Variants in MGAT4C observed in about 807,000 individuals in gnomAD.
MGAT4C encodes MGAT4 family member C, also known as alpha-1,3-mannosyl-glycoprotein 4-beta-N-acetylglucosaminyltransferase C.
In MGAT4C, 19 loss-of-function variants were observed where a neutral mutation model predicts 40.1. That is an observed-to-expected ratio of 0.47 (90% CI 0.33 to 0.70). MGAT4C has a LOEUF of 0.70. Ranked by LOEUF, MGAT4C falls within the 30% of genes least tolerant of loss-of-function variation. MGAT4C has a pLI of 0.02. For missense variants in MGAT4C, 491 were observed against 563.2 expected (o/e 0.87, Z 1.30); for synonymous variants, 181 against 187.1 (o/e 0.97, Z 0.27).
At chr12:86,250,123 T>A (rs1388388107) in intron 1 of MGAT4C, among the ~76,000 whole-genome samples, 1 of 152,128 alleles carries the variant, frequency 6.6e-6, no homozygotes, top group Non-Finnish European at 1.5e-5. Context: ...GAAAATACCT[T>A]AGTGGAATGA....
intron 3 of MGAT4C, among the ~76,000 whole-genome samples, chr12:86,397,887 C>T (rs1956288966): frequency 6.6e-6 from 1 of 152,084 alleles, no homozygotes; most frequent in South Asian, 2.1e-4. Context: ...GGCATGAGCC[C>T]AGGAGTTTGA....
At chr12:86,566,496 T>C (rs1960107395) in intron 2 of MGAT4C, among the ~76,000 whole-genome samples, 1 of 139,142 alleles carries the variant, frequency 7.2e-6, no homozygotes, top group African/African-American at 2.6e-5. Context: ...TGGGACTTTG[T>C]GATCATGTGA....
intron 2 of MGAT4C, among the ~76,000 whole-genome samples, chr12:86,634,553 T>G (rs1381543403): frequency 6.6e-6 from 1 of 152,080 alleles, no homozygotes; most frequent in Non-Finnish European, 1.5e-5. Context: ...AGCTCAGAGC[T>G]CTCTTTGAAG....
chr12:86,645,121 A>G (rs1963502330), intron 2 of MGAT4C, among the ~76,000 whole-genome samples: 1 of 151,592 alleles, frequency 6.6e-6, no homozygotes, highest in Non-Finnish European at 1.5e-5. Context: ...TTATATTTAA[A>G]ATAGTCTGTG....
chr12:86,655,301 TC>T (rs1963817627), intron 2 of MGAT4C, among the ~76,000 whole-genome samples: 1 of 152,090 alleles, frequency 6.6e-6, no homozygotes, highest in Non-Finnish European at 1.5e-5. Context: ...CTTAATTGCT[TC>T]TTTTCCCTGT....
intron 2 of MGAT4C, among the ~76,000 whole-genome samples, chr12:85,991,506 A>G (rs916637323): frequency 3.3e-5 from 5 of 152,086 alleles, no homozygotes; most frequent in Non-Finnish European, 7.4e-5. Context: ...ACTACTGTCC[A>G]TAGTGTCCAG....
At chr12:86,715,309 A>G (rs981438432) in intron 2 of MGAT4C, among the ~76,000 whole-genome samples, 1 of 152,102 alleles carries the variant, frequency 6.6e-6, no homozygotes, top group Non-Finnish European at 1.5e-5. Flanking sequence ...CAAGCATGCT[A>G]ATTTGTACAC....
chr12:86,760,938 A>T (rs973248511), intron 1 of MGAT4C, among the ~76,000 whole-genome samples: 3 of 152,210 alleles, frequency 2.0e-5, no homozygotes, highest in African/African-American at 4.8e-5. Context: ...TTGTGGCAAG[A>T]TTTGTAGGAA....
intron 2 of MGAT4C, among the ~76,000 whole-genome samples, chr12:86,568,646 C>T (rs1169323584): frequency 1.3e-5 from 2 of 151,094 alleles, no homozygotes; most frequent in Non-Finnish European, 2.9e-5. Context: ...AAGAACAAAG[C>T]TCAAAGTATC....
chr12:86,239,465 G>A (rs1951689228), intron 1 of MGAT4C, among the ~76,000 whole-genome samples: 1 of 151,860 alleles, frequency 6.6e-6, no homozygotes. Flanking sequence ...AAAGAAGCAT[G>A]CTTTACAATT....
intron 1 of MGAT4C, among the ~76,000 whole-genome samples, chr12:86,733,296 G>T (rs965181771): frequency 6.6e-6 from 1 of 152,034 alleles, no homozygotes; most frequent in African/African-American, 2.4e-5. Context: ...ACAGTGTAAA[G>T]AATTATGCTT....
At chr12:86,774,338 TCTGTCTCTCTCTCTCCC>T (rs1565981625) in intron 1 of MGAT4C, among the ~76,000 whole-genome samples, 5 of 101,578 alleles carry the variant, frequency 4.9e-5, no homozygotes, top group African/African-American at 7.4e-5. Context: ...TTTCTTTCTT[TCTGTCTCTCTCTCTCCC>T]CTCTCTCTCT....
At chr12:86,284,251 T>C (rs906456270) in intron 4 of MGAT4C, among the ~76,000 whole-genome samples, 6 of 151,928 alleles carry the variant, frequency 3.9e-5, no homozygotes, top group African/African-American at 1.4e-4. Context: ...AATAAAGGTA[T>C]CCTTTAGTCT....
At chr12:86,476,738 T>C (rs61950768) in intron 2 of MGAT4C, among the ~76,000 whole-genome samples, 4,049 of 152,142 alleles carry the variant, frequency 0.027, 88 homozygotes, top group Admixed American at 0.043. Context: ...CATGGAATAA[T>C]ACACAGCCAT....
intron 2 of MGAT4C, among the ~76,000 whole-genome samples, chr12:86,507,849 C>G (rs1444394874): frequency 1.3e-5 from 2 of 152,028 alleles, no homozygotes; most frequent in African/African-American, 2.4e-5. Context: ...TGTGATGACT[C>G]AGCCTTATTT....
chr12:86,332,453 C>G (rs892579402), intron 4 of MGAT4C, among the ~76,000 whole-genome samples: 2 of 151,758 alleles, frequency 1.3e-5, no homozygotes, highest in Admixed American at 6.6e-5. Flanking sequence ...CCAAATCTCT[C>G]AAGTCACTCA....
At chr12:86,194,280 T>C (rs1297171806) in intron 1 of MGAT4C, among the ~76,000 whole-genome samples, 1 of 151,868 alleles carries the variant, frequency 6.6e-6, no homozygotes, top group Non-Finnish European at 1.5e-5. Context: ...TTTTTTTTTA[T>C]CACTGGGTTT....
In MGAT4C at chr12:86,018,326, C is replaced by T. The variant is rs186274163; in HGVS notation, c.-6-28774G>A. On this transcript the variant is annotated intron_variant, in intron 2 of 4. Coordinates refer to ENST00000611864, the MANE Select transcript of MGAT4C (RefSeq NM_001351288.2). ...ACAGAATACAACAGTAAATTACATT[C>T]CCCAAATCATAAGGGCTTATATTCA... Among the ~76,000 whole-genome samples the T allele has an allele frequency of 1.9e-3, 284 of 152,282 alleles. 1 individual carries two copies. The highest frequency in any genetic ancestry group is 6.3e-3 in the African/African-American group (262 of 41,582).
chr12:86,181,643 T>A (rs1352700783), intron 1 of MGAT4C, among the ~76,000 whole-genome samples: 1 of 152,170 alleles, frequency 6.6e-6, no homozygotes, highest in Non-Finnish European at 1.5e-5. Flanking sequence ...ACTTCCATTA[T>A]GAAAAACATC....
Sources: allele counts gnomAD v4.1 joint callset (sites outside exome capture counted in the v4.1 genomes callset), GRCh38; gene constraint gnomAD v4.1.1; transcripts MANE v1.5; gene names NCBI Gene and HGNC (gene_info 2026-07-23, HGNC 2026-07-21).